The following NSDHL variants were observed in gnomAD, a reference collection of about 807,000 sequenced individuals.
NSDHL encodes the protein NAD(P) dependent 3-beta-hydroxysteroid dehydrogenase NSDHL, also known as sterol-4-alpha-carboxylate 3-dehydrogenase, decarboxylating.
NSDHL carries 1 observed loss-of-function variant against 23.0 expected under a neutral mutation model. That is an observed-to-expected ratio of 0.04 (90% confidence interval 0.02 to 0.21). The LOEUF is 0.21. NSDHL is among the 10% of genes least tolerant of loss of function. The pLI is 1.00. For synonymous variants in NSDHL, 128 were observed against 121.1 expected, an observed-to-expected ratio of 1.06 and a Z score of -0.37; for missense variants, 237 against 300.9, an observed-to-expected ratio of 0.79 and a Z score of 1.57.
At chrX:152,838,729 A>G (rs185035793) in intron 1 of NSDHL, among the ~76,000 whole-genome samples, 1,603 of 111,723 alleles carry the variant, frequency 0.014, 21 homozygotes, top group African/African-American at 0.049. Flanking sequence ...TATGTGGTCA[A>G]TTTTGGAATA....
intron 4 of NSDHL, among the ~76,000 whole-genome samples, chrX:152,861,800 TAA>T (rs782056432): frequency 1.1e-3 from 128 of 113,029 alleles, no homozygotes; most frequent in African/African-American, 3.9e-3. Flanking sequence ...TGCTAATATA[TAA>T]GACGAGTTAA....
intron 7 of NSDHL, among the ~76,000 whole-genome samples, chrX:152,867,999 G>C (rs782124806): frequency 9.0e-6 from 1 of 110,866 alleles, no homozygotes; most frequent in South Asian, 3.9e-4. Flanking sequence ...CAGGGTGCTT[G>C]CTCCTCACCC....
In NSDHL at chrX:152,839,598, C is replaced by A. The variant is rs140698253; in HGVS notation, c.-43-6684C>A. Among the ~76,000 whole-genome samples the A allele has an allele frequency of 7.0e-3, 788 of 112,510 alleles. 7 individuals are homozygous for A. Among genetic ancestry groups the A allele is most frequent in the African/African-American group, 0.023 (724 of 30,989 alleles). On this transcript the variant is annotated intron_variant, in intron 1 of 7. Coordinates refer to ENST00000370274, the MANE Select transcript of NSDHL (RefSeq NM_015922.3). ...GATATGAAATTCTAGGTTGAAAATT[C>A]TTTTCTTTAAGAATGTTGAATATTG...
chrX:152,843,073 G>A (rs184287293), intron 1 of NSDHL, among the ~76,000 whole-genome samples: 30 of 111,835 alleles, frequency 2.7e-4, no homozygotes, highest in Admixed American at 4.7e-4. Flanking sequence ...AAAATAATTG[G>A]TATATAATTT....
intron 7 of NSDHL, among the ~76,000 whole-genome samples, chrX:152,868,303 A>G (rs1446994713): frequency 1.8e-5 from 2 of 110,021 alleles, no homozygotes; most frequent in Non-Finnish European, 3.8e-5. Context: ...ACGCTCAGCT[A>G]ATTTTTTGTA....
At chrX:152,867,003 CG>C (rs782250088) in intron 6 of NSDHL, among the ~76,000 whole-genome samples, 1 of 111,758 alleles carries the variant, frequency 8.9e-6, no homozygotes, top group Non-Finnish European at 1.9e-5. Flanking sequence ...GGAAGGCAGG[CG>C]GGGGCATTAC....
At chrX:152,838,479 A>G (rs1415465793) in intron 1 of NSDHL, among the ~76,000 whole-genome samples, 2 of 112,300 alleles carry the variant, frequency 1.8e-5, no homozygotes, top group African/African-American at 3.2e-5. Flanking sequence ...AATGTGTTCC[A>G]GAGATTCTGG....
intron 6 of NSDHL, among the ~76,000 whole-genome samples, 158 bp from the exon 7 acceptor site, chrX:152,867,413 C>G (rs1185742363): frequency 8.9e-6 from 1 of 112,429 alleles, no homozygotes; most frequent in African/African-American, 3.2e-5. Context: ...ACATCTTTAA[C>G]CAGTACAGGC....
intron 1 of NSDHL, among the ~76,000 whole-genome samples, chrX:152,842,963 A>G (rs1026473803): frequency 1.8e-5 from 2 of 111,632 alleles, no homozygotes; most frequent in African/African-American, 6.5e-5. Context: ...TGCCTATGGG[A>G]TCTGACTCAT....
chrX:152,833,534 C>T (rs781788723), intron 1 of NSDHL, among the ~76,000 whole-genome samples: 4 of 111,869 alleles, frequency 3.6e-5, no homozygotes, highest in Admixed American at 9.4e-5. Flanking sequence ...ACTTTGCTCC[C>T]GATCTTGCTT....
At position 152,856,030 on chromosome X, in the gene NSDHL, G is replaced by C. The variant is rs1043092670; in HGVS notation, c.268-2740G>C. Reference sequence around the variant, plus strand: ...ATTCCCTTCATTTTTTTAAACTTCAGTCTATTTATTGAATAACTGATGTTT... The same window carrying C: ...ATTCCCTTCATTTTTTTAAACTTCACTCTATTTATTGAATAACTGATGTTT... On this transcript the variant is annotated intron_variant, in intron 3 of 7. Transcript: ENST00000370274. 2.7e-5 allele frequency among the ~76,000 whole-genome samples: 3 copies of C among 112,146 alleles called. No individual in the cohort carries two copies. In the East Asian group the frequency reaches 8.4e-4, roughly 31 times the overall value.
At chrX:152,847,067 C>T (rs186037583) in intron 2 of NSDHL, among the ~76,000 whole-genome samples, 6 of 111,843 alleles carry the variant, frequency 5.4e-5, no homozygotes, top group African/African-American at 9.7e-5. Context: ...TTTGGGAGGC[C>T]GAGACAGGTG....
chrX:152,866,909 G>C (rs1292498717), intron 6 of NSDHL, among the ~76,000 whole-genome samples: 1 of 111,883 alleles, frequency 8.9e-6, no homozygotes, highest in Non-Finnish European at 1.9e-5. Context: ...TTGTGACCCT[G>C]TTTGGAAATT....
chrX:152,853,126 C>T (rs890569980), intron 3 of NSDHL, among the ~76,000 whole-genome samples: 18 of 36,165 alleles, frequency 5.0e-4, no homozygotes, highest in Admixed American at 2.7e-3. Context: ...CTCTCTCAGG[C>T]ACGTGTGTGT....
At position 152,865,673 on chromosome X, in the gene NSDHL, G is replaced by A. The variant is rs925512816; in HGVS notation, c.544-146G>A. The A allele has an allele frequency of 2.4e-5, 18 of 743,746 alleles. No homozygotes were observed. The African/African-American group carries it at 3.7e-4, about 15-fold the overall frequency. 61.3% of individuals were successfully genotyped at this position (743,746 alleles called of 1,213,427 possible). A position where few individuals can be genotyped will look rare whatever the true frequency, so the allele number is the denominator to read the frequency against. On this transcript the variant is annotated intron_variant, in intron 5 of 7. Coordinates refer to ENST00000370274, the MANE Select transcript of NSDHL (RefSeq NM_015922.3). ...CACTGATGTAGGTTGTCAGCTCAAG[G>A]CAGACCACTGCTCAGTGGCCACATG...
Position 152,846,687 on chromosome X carries a change from G to C in NSDHL, c.108+255G>C, listed in dbSNP as rs112413158. ...GGGGTGTTCTTGGATGGTCTCCCCT[G>C]GGCTCTTGCATGTAGTTGCAATCAC... On this transcript the variant is annotated intron_variant, in intron 2 of 7. Transcript: ENST00000370274. Among the ~76,000 whole-genome samples the C allele has an allele frequency of 0.011, 1,230 of 112,076 alleles. 24 individuals carry two copies. Among genetic ancestry groups the C allele is most frequent in the African/African-American group, 0.037 (1,156 of 30,842 alleles).
chrX:152,867,529 G>A, intron 6 of NSDHL, 42 bp from the exon 7 acceptor site: 1 of 995,334 alleles, frequency 1.0e-6, no homozygotes, highest in Non-Finnish European at 1.4e-6. Context: ...CTTCGTGCAG[G>A]GGCTCCCAGC....
rs60548592 is a variant in NSDHL, at chrX:152,846,241, C to G, written c.-43-41C>G. 1,291 of 725,255 alleles carry G rather than the reference C, an allele frequency of 1.8e-3. 16 individuals are homozygous for G. In the African/African-American group the frequency reaches 0.023, roughly 13 times the overall value. 59.8% of individuals were successfully genotyped at this position (725,255 alleles called of 1,213,427 possible). On this transcript the variant is annotated intron_variant, in intron 1 of 7. Transcript: ENST00000370274. Reference sequence around the variant, plus strand: ...ACACTAACAACTAAAGATGTTTTGACTTAGGCAACATTAATGTCTGTCTCT... The same window carrying G: ...ACACTAACAACTAAAGATGTTTTGAGTTAGGCAACATTAATGTCTGTCTCT...
chrX:152,861,057 G>A (rs781797374), intron 4 of NSDHL, among the ~76,000 whole-genome samples: 29 of 112,548 alleles, frequency 2.6e-4, no homozygotes, highest in Middle Eastern at 9.2e-3. Context: ...GGGGCAGAGT[G>A]GCTTAGTGGG....
Sources: allele counts gnomAD v4.1 joint callset (sites outside exome capture counted in the v4.1 genomes callset), GRCh38; gene constraint gnomAD v4.1.1; transcripts MANE v1.5; gene names NCBI Gene and HGNC (gene_info 2026-07-23, HGNC 2026-07-21).